PARVB: variants seen among roughly 807,000 people sequenced by gnomAD.
The protein encoded by PARVB is beta-parvin.
A neutral mutation model predicts 47.0 loss-of-function variants in PARVB; 46 were observed. The observed-to-expected ratio is 0.98, with a 90% CI of 0.77 to 1.25. The LOEUF (loss-of-function observed/expected upper bound fraction) is 1.25. PARVB is among the 50% of genes most tolerant of loss of function. The pLI, the probability that PARVB is intolerant of heterozygous loss-of-function variation, is 0.00. For missense variants in PARVB, 473 were observed against 471.6 expected (o/e 1.00, Z -0.03); for synonymous variants, 196 against 196.3 (o/e 1.00, Z 0.01).
At chr22:44,073,254 C>T (rs1459916768) in intron 1 of PARVB, among the ~76,000 whole-genome samples, 1 of 152,194 alleles carries the variant, frequency 6.6e-6, no homozygotes, top group Non-Finnish European at 1.5e-5. Context: ...CTTTGGGAGG[C>T]TGAGGCGGGC....
At chr22:44,165,303 C>A (rs958560485) in intron 12 of PARVB, among the ~76,000 whole-genome samples, 2 of 152,224 alleles carry the variant, frequency 1.3e-5, no homozygotes, top group Non-Finnish European at 2.9e-5. Context: ...CCTCCCTCCC[C>A]ACTAGAACAG....
chr22:44,152,638 T>C (rs1224562231), intron 10 of PARVB: 1 of 152,234 alleles, frequency 6.6e-6, no homozygotes, highest in Non-Finnish European at 1.5e-5. Flanking sequence ...ACATTTCTTC[T>C]GCAATAAGTA....
At position 44,004,748 on chromosome 22, in the gene PARVB, C is replaced by T. The variant is rs188825961; in HGVS notation, c.211+5075C>T. ...TATGTCCGGCTGAGCTGGTGATCACCTTAATTTAATAAACTCTCCTGAACC... is the reference window on the plus strand; with the variant it reads ...TATGTCCGGCTGAGCTGGTGATCACTTTAATTTAATAAACTCTCCTGAACC... On this transcript the variant is annotated intron_variant, in intron 2 of 13. Coordinates refer to the PARVB transcript ENST00000406477. Among the ~76,000 whole-genome samples the T allele has an allele frequency of 2.3e-3, 345 of 152,296 alleles. 2 individuals carry two copies. Among genetic ancestry groups the T allele is most frequent in the Middle Eastern group, 6.8e-3 (2 of 294 alleles).
chr22:44,078,626 G>A (rs2285108), intron 1 of PARVB, among the ~76,000 whole-genome samples: 63,116 of 152,076 alleles, frequency 0.42, 14,765 homozygotes, highest in East Asian at 0.66. Flanking sequence ...CTTGCCATGT[G>A]AAGTCACAGG....
chr22:44,123,206 G>A (rs1194705365), intron 4 of PARVB, among the ~76,000 whole-genome samples: 4 of 152,176 alleles, frequency 2.6e-5, no homozygotes, highest in African/African-American at 9.7e-5. Flanking sequence ...CCTTGCTCCT[G>A]CAACACTCCA....
At chr22:44,109,940 C>T (rs1002051052) in intron 3 of PARVB, 7 of 150,870 alleles carry the variant, frequency 4.6e-5, no homozygotes, top group Non-Finnish European at 7.4e-5. Flanking sequence ...GGTGAAACCC[C>T]GTCTCTACTA....
At chr22:44,019,999 CTCCTGT>C (rs1251732605), upstream of PARVB, among the ~76,000 whole-genome samples, 1,653 of 149,858 alleles carry the variant, frequency 0.011, 34 homozygotes, top group African/African-American at 0.041. Context: ...AGTGTCAACA[CTCCTGT>C]GACTCCTGTG....
At chr22:44,109,001 T>C (rs1020449279) in intron 3 of PARVB, 2 of 152,020 alleles carry the variant, frequency 1.3e-5, no homozygotes, top group Non-Finnish European at 1.5e-5. Context: ...CATCTGGGGG[T>C]GCGTCTCCCC....
intron 1 of PARVB, among the ~76,000 whole-genome samples, chr22:44,030,759 G>C (rs1243316481): frequency 6.9e-6 from 1 of 144,264 alleles, no homozygotes; most frequent in Admixed American, 6.7e-5. Context: ...TGGGAGGGGT[G>C]GGAAAGGATT....
At chr22:44,002,936 T>C (rs1037599677) in intron 2 of PARVB, among the ~76,000 whole-genome samples, 2 of 152,176 alleles carry the variant, frequency 1.3e-5, no homozygotes, top group Non-Finnish European at 2.9e-5. Context: ...TAGATAACTT[T>C]TAAGAGCAAC....
At chr22:44,016,869 A>G (rs2050588656) in intron 2 of PARVB, among the ~76,000 whole-genome samples, 1 of 151,824 alleles carries the variant, frequency 6.6e-6, no homozygotes, top group South Asian at 2.1e-4. Context: ...TTACTTCCCC[A>G]TTTTATTTTA....
chr22:44,100,595 G>A (rs909018451), intron 3 of PARVB, among the ~76,000 whole-genome samples: 4 of 152,140 alleles, frequency 2.6e-5, no homozygotes, highest in Admixed American at 6.5e-5. Context: ...CACGTCTGGA[G>A]GCGTGAATCC....
At chr22:44,021,072 C>T (rs1398836067), upstream of PARVB, among the ~76,000 whole-genome samples, 3 of 152,206 alleles carry the variant, frequency 2.0e-5, no homozygotes, top group Non-Finnish European at 4.4e-5. Context: ...CGTGAGCCAC[C>T]ACGCCTGGCC....
chr22:44,028,192 G>A (rs2050764330), intron 1 of PARVB, among the ~76,000 whole-genome samples: 1 of 152,046 alleles, frequency 6.6e-6, no homozygotes, highest in Admixed American at 6.5e-5. Flanking sequence ...GATGTAGAGT[G>A]ACATGGACCC....
At chr22:44,167,312 G>A (rs970048008) in intron 12 of PARVB, among the ~76,000 whole-genome samples, 2 of 152,226 alleles carry the variant, frequency 1.3e-5, no homozygotes, top group African/African-American at 2.4e-5. Flanking sequence ...GGTCACAGAA[G>A]GTGATTCCTA....
chr22:44,111,452 T>C (rs987300937), intron 3 of PARVB: 3 of 119,366 alleles, frequency 2.5e-5, no homozygotes, highest in Admixed American at 8.6e-5. Context: ...TTTTTTTTTT[T>C]TTTTTTTTTT....
chr22:44,157,125 G>A (rs4823195), intron 10 of PARVB, among the ~76,000 whole-genome samples: 20,834 of 152,270 alleles, frequency 0.14, 1,860 homozygotes, highest in Admixed American at 0.22. Flanking sequence ...CTACCATGTT[G>A]AATAGCAGCT....
At chr22:44,053,414 G>A (rs1216672546) in intron 1 of PARVB, among the ~76,000 whole-genome samples, 1 of 152,146 alleles carries the variant, frequency 6.6e-6, no homozygotes, top group Admixed American at 6.5e-5. Context: ...TCTCAGTGAT[G>A]GGCATTTAAA....
intron 1 of PARVB, among the ~76,000 whole-genome samples, chr22:44,078,347 C>A (rs2051823542): frequency 6.6e-6 from 1 of 152,234 alleles, no homozygotes; most frequent in Admixed American, 6.5e-5. Context: ...CTAACTCCAG[C>A]ATATCTTTTT....
Sources: gnomAD v4.1 joint callset for allele counts (sites outside exome capture counted in the v4.1 genomes callset) on GRCh38, gnomAD v4.1.1 for gene constraint, MANE v1.5 for transcripts, NCBI Gene and HGNC (gene_info 2026-07-23, HGNC 2026-07-21) for gene names.